Variants in LHX8 observed in about 807,000 individuals in gnomAD.
LHX8 encodes LIM/homeobox protein Lhx8.
LHX8 carries 12 observed loss-of-function variants against 40.3 expected under a neutral mutation model. The observed-to-expected ratio is 0.30, with a 90% CI of 0.19 to 0.48. The LOEUF (loss-of-function observed/expected upper bound fraction) is 0.48, where lower values mean the gene tolerates loss of function less well. Ranked by LOEUF, LHX8 falls within the 20% of genes least tolerant of loss-of-function variation. LHX8 has a pLI of 0.99. For missense variants in LHX8, 344 were observed against 433.7 expected (o/e 0.79, Z 1.84); for synonymous variants, 179 against 162.0 (o/e 1.10, Z -0.80).
chr1:75,150,823 C>A (rs531334199), intron 7 of LHX8, among the ~76,000 whole-genome samples: 2 of 151,800 alleles, frequency 1.3e-5, no homozygotes, highest in Admixed American at 1.3e-4. Context: ...ATTACAGGTG[C>A]AAGCCACCAT....
At chr1:75,166,924 A>T in the LHX8 span, among the ~76,000 whole-genome samples, 1 of 152,198 alleles carries the variant, frequency 6.6e-6, no homozygotes. Flanking sequence ...ATGGGCTCAG[A>T]GGAGCATGCA....
chr1:75,152,993 A>C (rs543041537), intron 7 of LHX8, among the ~76,000 whole-genome samples: 7 of 152,250 alleles, frequency 4.6e-5, no homozygotes, highest in African/African-American at 1.7e-4. Context: ...CCTATCTGTC[A>C]TGTTAACCTT....
chr1:75,139,209 G>A lies in LHX8; in HGVS notation c.238-1776G>A, dbSNP rs145459480. The stretch of plus-strand genomic sequence containing the variant: ...CAATAACTTCAGTGCTCTGTCCTTC[G>A]GGTAGTTTTTCTGGCTTGGTCCAAG... On this transcript the variant is annotated intron_variant, in intron 3 of 8. Transcript: ENST00000356261. 3.0e-4 allele frequency among the ~76,000 whole-genome samples: 45 copies of A among 152,222 alleles called. 1 individual carries two copies. The East Asian group carries it at 6.7e-3, about 23-fold the overall frequency.
chr1:75,179,267 T>G, the LHX8 span, among the ~76,000 whole-genome samples: 1 of 152,152 alleles, frequency 6.6e-6, no homozygotes, highest in African/African-American at 2.4e-5. Flanking sequence ...CTATTGACAG[T>G]GGTGTGTTAA....
chr1:75,176,425 A>G, the LHX8 span, among the ~76,000 whole-genome samples: 1 of 152,292 alleles, frequency 6.6e-6, no homozygotes, highest in Non-Finnish European at 1.5e-5. Flanking sequence ...ATGGCCAGTG[A>G]TGATGAGCAT....
At chr1:75,190,450 T>C in the LHX8 span, among the ~76,000 whole-genome samples, 272 of 152,286 alleles carry the variant, frequency 1.8e-3, 3 homozygotes, top group Admixed American at 8.9e-3. Context: ...TGGAAATTGA[T>C]TTGAAGTGAT....
chr1:75,158,103 A>G (rs1467157776), intron 8 of LHX8, among the ~76,000 whole-genome samples: 2 of 152,174 alleles, frequency 1.3e-5, no homozygotes, highest in Non-Finnish European at 2.9e-5. Flanking sequence ...AAATTTGATG[A>G]TTGTGCAGTG....
At position 75,161,294 on chromosome 1, in the gene LHX8, T is replaced by C. The variant is rs1181700454; in HGVS notation, c.*399T>C. The stretch of plus-strand genomic sequence containing the variant: ...ATCTGTAAGTTATTGTAATAAATAT[T>C]ACCTGTATTTTTTGTTATATACAAC... On this transcript the variant is annotated 3_prime_UTR_variant, in exon 9 of 9. Coordinates refer to ENST00000356261, the MANE Select transcript of LHX8 (RefSeq NM_001256114.2). 5.1e-6 allele frequency: 1 copy of C among 197,760 alleles called. No individual in the cohort carries two copies. Among genetic ancestry groups the C allele is most frequent in the African/African-American group, 2.4e-5 (1 of 42,016 alleles). The allele number at this position is 197,760 out of a possible 1,614,324, so 12.3% of individuals were successfully genotyped here. A position where few individuals can be genotyped will look rare whatever the true frequency, so the allele number is the denominator to read the frequency against.
chr1:75,155,499 G>T (rs182437115), intron 7 of LHX8, among the ~76,000 whole-genome samples: 131 of 152,226 alleles, frequency 8.6e-4, no homozygotes, highest in African/African-American at 3.0e-3. Flanking sequence ...CTCCCAAAGT[G>T]CTGGGATTAC....
intron 8 of LHX8, 21 bp from the exon 9 acceptor site, chr1:75,160,798 A>G (rs375749767): frequency 2.7e-4 from 420 of 1,576,230 alleles, no homozygotes; most frequent in Non-Finnish European, 3.6e-4. Context: ...ACTGATCCAC[A>G]AATTTCTTTC....
chr1:75,192,793 A>G, the LHX8 span, among the ~76,000 whole-genome samples: 1 of 152,006 alleles, frequency 6.6e-6, no homozygotes, highest in Non-Finnish European at 1.5e-5. Flanking sequence ...CCTGGGCTCA[A>G]GTGATTCTCC....
At chr1:75,160,427 T>C (rs1648886906) in intron 8 of LHX8, 2 of 243,642 alleles carry the variant, frequency 8.2e-6, no homozygotes, top group East Asian at 2.0e-4. Flanking sequence ...GATGTATGCT[T>C]AGGGAGGAGG....
chr1:75,133,224 C>T (rs1390947800), upstream of LHX8, among the ~76,000 whole-genome samples: 1 of 152,192 alleles, frequency 6.6e-6, no homozygotes, highest in Non-Finnish European at 1.5e-5. Context: ...GCTCTGAAGA[C>T]TCTAGTGTTT....
upstream of LHX8, chr1:75,133,119 T>G (rs2100325002): frequency 6.6e-6 from 1 of 152,280 alleles, no homozygotes; most frequent in Non-Finnish European, 1.5e-5. Flanking sequence ...CTCAGTAAAT[T>G]TAAACGAGAT....
downstream of LHX8, among the ~76,000 whole-genome samples, chr1:75,164,983 A>G (rs900621032): frequency 6.6e-6 from 1 of 152,190 alleles, no homozygotes; most frequent in Non-Finnish European, 1.5e-5. Context: ...GAAAACTAGT[A>G]TCTTATAAAG....
At chr1:75,180,938 T>A in the LHX8 span, among the ~76,000 whole-genome samples, 1 of 152,234 alleles carries the variant, frequency 6.6e-6, no homozygotes, top group African/African-American at 2.4e-5. Flanking sequence ...TTTCCTTCTA[T>A]CAGTCAGATC....
the LHX8 span, among the ~76,000 whole-genome samples, chr1:75,168,668 G>T: frequency 2.6e-5 from 4 of 152,070 alleles, no homozygotes; most frequent in Non-Finnish European, 5.9e-5. Flanking sequence ...TCAGGTGCAG[G>T]AATTCTGAAA....
the LHX8 span, among the ~76,000 whole-genome samples, chr1:75,172,000 G>A: frequency 6.6e-6 from 1 of 152,128 alleles, no homozygotes; most frequent in African/African-American, 2.4e-5. Flanking sequence ...GGGATGTGCT[G>A]GTAGAATAAT....
chr1:75,195,689 C>G, the LHX8 span, among the ~76,000 whole-genome samples: 1 of 152,110 alleles, frequency 6.6e-6, no homozygotes. Flanking sequence ...CAATTGCATG[C>G]TGTGCCCATC....
Sources: gnomAD v4.1 joint callset for allele counts (sites outside exome capture counted in the v4.1 genomes callset) on GRCh38, gnomAD v4.1.1 for gene constraint, MANE v1.5 for transcripts, NCBI Gene and HGNC (gene_info 2026-07-23, HGNC 2026-07-21) for gene names.